PRKD1: variants seen among roughly 807,000 people sequenced by gnomAD.
The protein encoded by PRKD1 is protein kinase D1.
PRKD1 carries 63 observed loss-of-function variants against 95.9 expected under a neutral mutation model. The observed-to-expected ratio is 0.66, with a 90% CI of 0.54 to 0.81. The LOEUF (loss-of-function observed/expected upper bound fraction) is 0.81. PRKD1 is among the 30% of genes least tolerant of loss of function. PRKD1 has a pLI of 0.00. For missense variants in PRKD1, 1,048 were observed against 1,165.3 expected (o/e 0.90, Z 1.47); for synonymous variants, 425 against 423.1 (o/e 1.00, Z -0.05).
chr14:29,768,238 T>C (rs1888341516), intron 1 of PRKD1, among the ~76,000 whole-genome samples: 1 of 152,188 alleles, frequency 6.6e-6, no homozygotes, highest in Non-Finnish European at 1.5e-5. Context: ...AGGACTATCA[T>C]AAGAAATTTT....
chr14:29,597,474 T>A lies in PRKD1; in HGVS notation c.2434+17A>T, dbSNP rs1893350000. 2 of 1,556,448 alleles carry A rather than the reference T, an allele frequency of 1.3e-6. No individual in the cohort carries two copies. Among genetic ancestry groups the A allele is most frequent in the Non-Finnish European group, 1.8e-6 (2 of 1,142,606 alleles). On this transcript the variant is annotated intron_variant, in intron 16 of 17. Transcript: ENST00000331968. ...ATAAGGATTAGATTATTATCATTTT[T>A]GAATGGAAGATATTACCTTCATGAG...
intron 1 of PRKD1, among the ~76,000 whole-genome samples, chr14:29,840,510 C>T (rs1272543690): frequency 6.6e-6 from 1 of 152,188 alleles, no homozygotes; most frequent in Non-Finnish European, 1.5e-5. Context: ...TCCAAAGTTG[C>T]TTCCACATTT....
At chr14:29,582,062 T>C (rs1892773128) in intron 16 of PRKD1, among the ~76,000 whole-genome samples, 1 of 152,122 alleles carries the variant, frequency 6.6e-6, no homozygotes, top group African/African-American at 2.4e-5. Context: ...TTGAGACACA[T>C]CAGTTCTTGG....
At chr14:29,732,108 G>A (rs1159648371) in intron 1 of PRKD1, among the ~76,000 whole-genome samples, 1 of 151,928 alleles carries the variant, frequency 6.6e-6, no homozygotes, top group Non-Finnish European at 1.5e-5. Context: ...CCTGACCTCA[G>A]GTGATCCACT....
At chr14:29,865,034 A>T (rs2139366390) in intron 1 of PRKD1, among the ~76,000 whole-genome samples, 1 of 152,330 alleles carries the variant, frequency 6.6e-6, no homozygotes, top group South Asian at 2.1e-4. Context: ...GACACAAGTC[A>T]CATGTGCCAA....
At chr14:29,767,635 A>C (rs1888313444) in intron 1 of PRKD1, among the ~76,000 whole-genome samples, 1 of 152,184 alleles carries the variant, frequency 6.6e-6, no homozygotes. Context: ...TTCAAACTAA[A>C]ATGTTCAAAC....
chr14:29,590,903 C>G (rs1275179033), intron 16 of PRKD1, among the ~76,000 whole-genome samples: 1 of 152,118 alleles, frequency 6.6e-6, no homozygotes, highest in Non-Finnish European at 1.5e-5. Flanking sequence ...CTCAGCCTAT[C>G]GAGTAGCTGG....
intron 1 of PRKD1, among the ~76,000 whole-genome samples, chr14:29,863,028 T>G (rs1892763585): frequency 6.6e-6 from 1 of 152,202 alleles, no homozygotes; most frequent in Non-Finnish European, 1.5e-5. Context: ...GACAGCAACA[T>G]TCTAATAATC....
chr14:29,584,904 CTT>C (rs1371275827), intron 16 of PRKD1, among the ~76,000 whole-genome samples: 18 of 152,238 alleles, frequency 1.2e-4, no homozygotes, highest in African/African-American at 4.3e-4. Context: ...AGGCTGATCT[CTT>C]TTGTCAAGAC....
chr14:29,694,414 G>A (rs1316472593), intron 2 of PRKD1, among the ~76,000 whole-genome samples: 1 of 152,182 alleles, frequency 6.6e-6, no homozygotes, highest in African/African-American at 2.4e-5. Flanking sequence ...TATGCCACAA[G>A]TGAAATTTCT....
intron 13 of PRKD1, among the ~76,000 whole-genome samples, chr14:29,617,501 T>C (rs988766182): frequency 2.6e-5 from 4 of 152,228 alleles, no homozygotes; most frequent in African/African-American, 9.6e-5. Context: ...CTATATTCAG[T>C]GCTTTTAAAA....
intron 2 of PRKD1, among the ~76,000 whole-genome samples, chr14:29,713,366 G>T (rs1025994583): frequency 6.6e-6 from 1 of 152,084 alleles, no homozygotes; most frequent in Non-Finnish European, 1.5e-5. Flanking sequence ...TAGATGATTC[G>T]TTTGTGAATA....
At chr14:29,795,558 A>C (rs1002957197) in intron 1 of PRKD1, among the ~76,000 whole-genome samples, 6 of 152,158 alleles carry the variant, frequency 3.9e-5, no homozygotes, top group Non-Finnish European at 7.4e-5. Context: ...GAGGATGAGT[A>C]AACATTTTGG....
At chr14:29,732,691 T>G (rs1238936295) in intron 1 of PRKD1, among the ~76,000 whole-genome samples, 1 of 152,172 alleles carries the variant, frequency 6.6e-6, no homozygotes, top group Non-Finnish European at 1.5e-5. Context: ...AGTTTTTATC[T>G]CATCTTTTTT....
chr14:29,834,312 A>T lies in PRKD1; in HGVS notation c.264+92937T>A, dbSNP rs76925287. On this transcript the variant is annotated intron_variant, in intron 1 of 17. Coordinates refer to ENST00000331968, the MANE Select transcript of PRKD1 (RefSeq NM_002742.3). ...GATCTACTTTGTTTGTATTTTTGAC[A>T]TACTGTTGTGGAACTTCCATTTTTT... Among the ~76,000 whole-genome samples, 1,497 of 152,240 alleles carry T rather than the reference A, an allele frequency of 9.8e-3. 28 individuals carry two copies. Among genetic ancestry groups the T allele is most frequent in the African/African-American group, 0.034 (1,427 of 41,558 alleles).
chr14:29,665,287 T>C (rs1344226812), intron 3 of PRKD1, among the ~76,000 whole-genome samples: 1 of 152,222 alleles, frequency 6.6e-6, no homozygotes, highest in Non-Finnish European at 1.5e-5. Flanking sequence ...GAATGAATTA[T>C]ATAGTGGTAA....
intron 1 of PRKD1, among the ~76,000 whole-genome samples, chr14:29,851,150 C>G (rs1456322309): frequency 6.6e-6 from 1 of 152,114 alleles, no homozygotes; most frequent in Non-Finnish European, 1.5e-5. Context: ...AAATGTCCGT[C>G]TTGACATTGG....
At chr14:29,714,178 T>C (rs1036389628) in intron 2 of PRKD1, among the ~76,000 whole-genome samples, 2 of 152,094 alleles carry the variant, frequency 1.3e-5, no homozygotes, top group Non-Finnish European at 2.9e-5. Context: ...TCTCATAAAA[T>C]AGAGCTGTTT....
intron 1 of PRKD1, among the ~76,000 whole-genome samples, chr14:29,734,318 G>T (rs1886613349): frequency 6.6e-6 from 1 of 151,980 alleles, no homozygotes; most frequent in African/African-American, 2.4e-5. Flanking sequence ...GGTATTACGG[G>T]TGTGAGCCAC....
Sources: allele counts gnomAD v4.1 joint callset (sites outside exome capture counted in the v4.1 genomes callset), GRCh38; gene constraint gnomAD v4.1.1; transcripts MANE v1.5; gene names NCBI Gene and HGNC (gene_info 2026-07-23, HGNC 2026-07-21).